RGS6: variants seen among roughly 807,000 people sequenced by gnomAD.
RGS6 encodes the protein regulator of G protein signaling 6, also known as regulator of G-protein signaling 6.
RGS6 carries 30 observed loss-of-function variants against 78.5 expected under a neutral mutation model. That is an observed-to-expected ratio of 0.38 (90% CI 0.29 to 0.52). The LOEUF (loss-of-function observed/expected upper bound fraction) is 0.52. RGS6 is among the 20% of genes least tolerant of loss of function. The pLI, the probability that RGS6 is intolerant of heterozygous loss-of-function variation, is 0.85. For missense variants in RGS6, 495 were observed against 609.7 expected (o/e 0.81, Z 1.98); for synonymous variants, 206 against 206.0 (o/e 1.00, Z 0.00).
At chr14:72,093,284 C>G (rs911006187) in intron 2 of RGS6, among the ~76,000 whole-genome samples, 34 of 152,142 alleles carry the variant, frequency 2.2e-4, no homozygotes, top group African/African-American at 6.8e-4. Flanking sequence ...CTCTGTCACC[C>G]AGGCTGGAAT....
At chr14:72,139,611 A>T (rs1421667704) in intron 2 of RGS6, among the ~76,000 whole-genome samples, 2 of 152,224 alleles carry the variant, frequency 1.3e-5, no homozygotes, top group Non-Finnish European at 2.9e-5. Context: ...AAATATAAGG[A>T]AGTAAAGTTG....
chr14:71,974,864 A>T (rs552366286), intron 2 of RGS6, among the ~76,000 whole-genome samples: 2 of 152,332 alleles, frequency 1.3e-5, no homozygotes, highest in East Asian at 3.9e-4. Flanking sequence ...TCTTTGGGCC[A>T]GGCACGTTGG....
At position 72,090,112 on chromosome 14, in the gene RGS6, C is replaced by CAAA. The variant is rs760072084; in HGVS notation, c.84+125252_84+125254dup. ...CGGGTGACAGAGCAAGACTCCATCT[C>CAAA]AAAAAAAAAAAAAAAAATAAAGCCT... On this transcript the variant is annotated intron_variant, in intron 2 of 17. Coordinates refer to ENST00000553525, the MANE Select transcript of RGS6 (RefSeq NM_001204424.2). Among the ~76,000 whole-genome samples the CAAA allele has an allele frequency of 2.9e-4, 13 of 44,384 alleles. 1 individual carries two copies. The highest frequency in any genetic ancestry group is 9.0e-4 in the Admixed American group (3 of 3,318). 29.1% of individuals were successfully genotyped at this position (44,384 alleles called of 152,430 possible).
intron 2 of RGS6, among the ~76,000 whole-genome samples, chr14:72,013,916 C>G (rs996831127): frequency 9.9e-5 from 15 of 152,144 alleles, no homozygotes; most frequent in African/African-American, 3.6e-4. Flanking sequence ...ATGTGCTGTT[C>G]CCTTGTGTGT....
At chr14:72,548,348 C>CGTGTGT (rs59943776) in intron 17 of RGS6, among the ~76,000 whole-genome samples, 10 of 129,556 alleles carry the variant, frequency 7.7e-5, no homozygotes, top group East Asian at 7.4e-4. Context: ...TGTGTGCGCG[C>CGTGTGT]GTGTGTGTGT....
chr14:71,939,113 A>G (rs1211127332), intron 1 of RGS6, among the ~76,000 whole-genome samples: 2 of 152,176 alleles, frequency 1.3e-5, no homozygotes, highest in African/African-American at 2.4e-5. Flanking sequence ...GGGTCACTCA[A>G]TAAATGGGCC....
At chr14:72,487,863 T>TG (rs1555431091) in intron 12 of RGS6, among the ~76,000 whole-genome samples, 1 of 151,928 alleles carries the variant, frequency 6.6e-6, no homozygotes, top group Non-Finnish European at 1.5e-5. Flanking sequence ...GAAACAAATA[T>TG]AAAACCCCAG....
chr14:72,276,957 T>C (rs1463547249), intron 2 of RGS6, among the ~76,000 whole-genome samples: 1 of 152,198 alleles, frequency 6.6e-6, no homozygotes, highest in Non-Finnish European at 1.5e-5. Flanking sequence ...CCCAGTAGAA[T>C]ACAAGTTCCA....
At chr14:72,020,336 C>T (rs2052015) in intron 2 of RGS6, among the ~76,000 whole-genome samples, 22,558 of 152,174 alleles carry the variant, frequency 0.15, 1,781 homozygotes, top group South Asian at 0.2. Flanking sequence ...GACCAAGTGC[C>T]TTTCTTTTCT....
intron 3 of RGS6, among the ~76,000 whole-genome samples, chr14:72,394,542 G>T (rs2090733381): frequency 6.6e-6 from 1 of 152,150 alleles, no homozygotes. Context: ...GATGTTCCTT[G>T]CTGAGAAAAA....
chr14:72,373,062 A>G lies in RGS6; in HGVS notation c.184+20868A>G, dbSNP rs75875526. Among the ~76,000 whole-genome samples the G allele has an allele frequency of 4.6e-3, 704 of 152,172 alleles. 5 individuals carry two copies. The highest frequency in any genetic ancestry group is 7.2e-3 in the Non-Finnish European group (488 of 67,998). On this transcript the variant is annotated intron_variant, in intron 3 of 17. Coordinates refer to ENST00000553525, the MANE Select transcript of RGS6 (RefSeq NM_001204424.2). ...GGGTCAAGGGAGCATCATCATGGAG[A>G]CAGAAGACAGAGAAAGAGAGGAAAA...
the RGS6 span, among the ~76,000 whole-genome samples, chr14:71,905,274 T>A: frequency 6.6e-6 from 1 of 152,128 alleles, no homozygotes; most frequent in Non-Finnish European, 1.5e-5. Flanking sequence ...CTGGAAAAAA[T>A]TTCCCAGATG....
intron 2 of RGS6, among the ~76,000 whole-genome samples, chr14:72,130,241 T>G (rs1403376867): frequency 1.3e-5 from 2 of 152,190 alleles, no homozygotes; most frequent in Admixed American, 1.3e-4. Flanking sequence ...TCTGTCCCCA[T>G]GAATGGGACA....
intron 2 of RGS6, among the ~76,000 whole-genome samples, chr14:72,159,066 TA>T (rs1397533256): frequency 1.3e-5 from 2 of 152,238 alleles, no homozygotes; most frequent in African/African-American, 4.8e-5. Flanking sequence ...TGGCTTTCAA[TA>T]AATGTTAGCT....
intron 4 of RGS6, among the ~76,000 whole-genome samples, chr14:72,455,613 C>A (rs1284195316): frequency 6.6e-6 from 1 of 152,124 alleles, no homozygotes; most frequent in African/African-American, 2.4e-5. Flanking sequence ...GTCTTTTCAC[C>A]CCCTTGATTA....
intron 15 of RGS6, among the ~76,000 whole-genome samples, chr14:72,524,152 G>A (rs1029623536): frequency 3.9e-5 from 6 of 152,112 alleles, no homozygotes; most frequent in Admixed American, 3.9e-4. Context: ...TTCTAAGCTG[G>A]ATCCAAAAGA....
At chr14:72,127,695 T>G (rs1305432713) in intron 2 of RGS6, among the ~76,000 whole-genome samples, 3 of 152,184 alleles carry the variant, frequency 2.0e-5, no homozygotes, top group African/African-American at 7.2e-5. Context: ...GCATTTACCC[T>G]GTTCCCTCAA....
chr14:72,402,133 C>G (rs1018200403), intron 3 of RGS6, among the ~76,000 whole-genome samples: 1 of 152,118 alleles, frequency 6.6e-6, no homozygotes, highest in Admixed American at 6.5e-5. Flanking sequence ...CCTGGTGCTG[C>G]CTCCCCTTGG....
In RGS6 at chr14:72,454,630, C is replaced by T. The variant is rs75222264; in HGVS notation, c.235+52C>T. On this transcript the variant is annotated intron_variant, in intron 4 of 17. Coordinates refer to ENST00000553525, the MANE Select transcript of RGS6 (RefSeq NM_001204424.2). ...TCTCCCCTGGTATCAGTAAACATCC[C>T]ATAACCAAGTTCCAAACTAGATTCC... 779 of 1,506,616 alleles carry T rather than the reference C, an allele frequency of 5.2e-4. 4 individuals carry two copies. In the African/African-American group the frequency reaches 9.8e-3, roughly 19 times the overall value. 93.3% of individuals were successfully genotyped at this position (1,506,616 alleles called of 1,614,324 possible).
Sources: allele counts gnomAD v4.1 joint callset (sites outside exome capture counted in the v4.1 genomes callset), GRCh38; gene constraint gnomAD v4.1.1; transcripts MANE v1.5; gene names NCBI Gene and HGNC (gene_info 2026-07-23, HGNC 2026-07-21).